OGDH: variants seen among roughly 807,000 people sequenced by gnomAD.
OGDH encodes the protein 2-oxoglutarate dehydrogenase complex component E1.
In OGDH, 38 loss-of-function variants were observed where a neutral mutation model predicts 116.6. The observed-to-expected ratio is 0.33, with a 90% confidence interval of 0.25 to 0.43. The LOEUF (loss-of-function observed/expected upper bound fraction) is 0.43. Ranked by LOEUF, OGDH falls within the 20% of genes least tolerant of loss-of-function variation. The probability of loss-of-function intolerance (pLI) is 1.00; values close to 1 mark genes in which losing one functional copy is unlikely to be tolerated. For missense variants in OGDH, 825 were observed against 1,357.2 expected (o/e 0.61, Z 6.16); for synonymous variants, 488 against 533.3 (o/e 0.92, Z 1.17).
At chr7:44,653,344 C>G (rs919165394) in intron 4 of OGDH, among the ~76,000 whole-genome samples, 1 of 152,070 alleles carries the variant, frequency 6.6e-6, no homozygotes, top group Non-Finnish European at 1.5e-5. Flanking sequence ...TCGCCCGTCT[C>G]GGACTCCCAA....
intron 2 of OGDH, among the ~76,000 whole-genome samples, chr7:44,630,970 C>T (rs752733444): frequency 3.3e-5 from 5 of 152,166 alleles, no homozygotes; most frequent in African/African-American, 4.8e-5. Context: ...CTAATGCCCC[C>T]GCTGATGTGA....
chr7:44,673,208 A>G (rs1189073933), intron 5 of OGDH, among the ~76,000 whole-genome samples: 1 of 152,144 alleles, frequency 6.6e-6, no homozygotes, highest in Non-Finnish European at 1.5e-5. Flanking sequence ...TCTCCAAAAA[A>G]TTCAAAACAT....
chr7:44,624,284 CTTTCT>C (rs1785112990), intron 1 of OGDH, 28 bp from the exon 2 acceptor site: 1 of 1,321,588 alleles, frequency 7.6e-7, no homozygotes, highest in African/African-American at 1.7e-5. Flanking sequence ...TAAAACCTTT[CTTTCT>C]TGTTTTTTTT....
In OGDH at chr7:44,697,426, T is replaced by A. The variant is rs1300147360; in HGVS notation, c.2108T>A (p.Met703Lys). Residue 703 changes from methionine (M) to lysine (K), a missense_variant, in exon 16 of 23, where the codon ATG becomes AAG. This residue lies in a region of OGDH where 73 missense variants were observed against 182.3 expected (regional missense o/e 0.40). Transcript: ENST00000222673. This position sits in a 1 kb window ranked among gnomAD's most constrained non-coding sequence, Gnocchi z 6.0. Reference sequence around the variant, plus strand: ...GTGGACAAGAGAACCTGCATCCCCATGAACCATCTCTGGCCCAATCAGGCC... The same window carrying A: ...GTGGACAAGAGAACCTGCATCCCCAAGAACCATCTCTGGCCCAATCAGGCC... ...QNVDKRTCIPMNHLWPNQAPY... is the reference protein window; with the variant it reads ...QNVDKRTCIPKNHLWPNQAPY... 1 of 1,614,210 alleles carries A rather than the reference T, an allele frequency of 6.2e-7. No individual in the cohort carries two copies. The highest frequency in any genetic ancestry group is 8.5e-7 in the Non-Finnish European group (1 of 1,180,026).
chr7:44,636,245 G>A (rs1785665050), intron 2 of OGDH, among the ~76,000 whole-genome samples: 1 of 152,208 alleles, frequency 6.6e-6, no homozygotes, highest in East Asian at 1.9e-4. Context: ...ATGGGTGTCA[G>A]CTACTGCTGG....
At chr7:44,704,499 A>G (rs1788976895) in intron 20 of OGDH, among the ~76,000 whole-genome samples, 1 of 152,046 alleles carries the variant, frequency 6.6e-6, no homozygotes, top group South Asian at 2.1e-4. Context: ...GATTACAGGC[A>G]TGAGCCACGG....
At chr7:44,669,260 C>A (rs946399610) in intron 5 of OGDH, among the ~76,000 whole-genome samples, 5 of 151,076 alleles carry the variant, frequency 3.3e-5, no homozygotes, top group Non-Finnish European at 7.4e-5. Context: ...TAACCAATCC[C>A]CCTACTTCAG....
chr7:44,624,526 G>C lies in OGDH; in HGVS notation c.183G>C (p.Met61Ile). The change falls in exon 2 of 23, where the codon ATG (methionine) becomes ATC (isoleucine). Residue 61 changes from methionine to isoleucine, a missense_variant. Transcript: ENST00000222673. ...CTAGTTCGAACTATGTGGAGGAGAT[G>C]TACTGTGCTTGGCTGGAAAACCCCA... is the stretch of plus-strand genomic sequence containing the variant. ...SGTSSNYVEE[M>I]YCAWLENPKS... is the part of the protein sequence containing the mutation. 2 of 1,613,904 alleles carry C rather than the reference G, an allele frequency of 1.2e-6. No homozygotes were observed.
intron 4 of OGDH, among the ~76,000 whole-genome samples, chr7:44,664,755 G>A (rs986524071): frequency 5.9e-5 from 9 of 152,128 alleles, no homozygotes; most frequent in African/African-American, 1.2e-4. Flanking sequence ...TGTGTACTCC[G>A]CTTTCACAAA....
chr7:44,608,340 C>G (rs1784435556), intron 1 of OGDH, among the ~76,000 whole-genome samples: 1 of 151,650 alleles, frequency 6.6e-6, no homozygotes, highest in Non-Finnish European at 1.5e-5. Context: ...CCAGGGAGGT[C>G]CAAGCTGCAG....
Position 44,671,025 on chromosome 7 carries a change from AAAAG to A in OGDH, c.634-2758_634-2755del, listed in dbSNP as rs1306589793. ...GACTCCATCTCAAAAAAAAAAAAAA[AAAAG>A]AAAAGAAAAAAAAGAAAATATGGTT... On this transcript the variant is annotated intron_variant, in intron 5 of 22. Coordinates refer to ENST00000222673, the MANE Select transcript of OGDH (RefSeq NM_002541.4). Among the ~76,000 whole-genome samples the A allele has an allele frequency of 4.9e-3, 748 of 151,228 alleles. 4 individuals are homozygous for A. Among genetic ancestry groups the A allele is most frequent in the Non-Finnish European group, 8.4e-3 (565 of 67,446 alleles).
rs1788481737 is a variant in OGDH, at chr7:44,694,137, A to T, written c.1515+133A>T. ...TCAGGGCTCTCTACTGCCAGGCCTC[A>T]TGCTGGTTCCTTTGAGCTCCAAATA... On this transcript the variant is annotated intron_variant, in intron 11 of 22. Transcript: ENST00000222673. The surrounding 1 kb of genome is among the most constrained non-coding windows in gnomAD (Gnocchi z 4.2). The T allele has an allele frequency of 2.9e-6, 3 of 1,028,174 alleles. No homozygotes were observed. The highest frequency in any genetic ancestry group is 4.2e-6 in the Non-Finnish European group (3 of 719,344). The allele number at this position is 1,028,174 out of a possible 1,614,324, so 63.7% of individuals were successfully genotyped here. A position where few individuals can be genotyped will look rare whatever the true frequency, so the allele number is the denominator to read the frequency against.
At chr7:44,671,780 A>T (rs993532177) in intron 5 of OGDH, among the ~76,000 whole-genome samples, 28 of 135,470 alleles carry the variant, frequency 2.1e-4, no homozygotes, top group African/African-American at 7.8e-4. Flanking sequence ...AAAAAAAAAA[A>T]AAAAAAATGC....
At chr7:44,678,090 C>T (rs945282284) in intron 9 of OGDH, among the ~76,000 whole-genome samples, 1 of 151,980 alleles carries the variant, frequency 6.6e-6, no homozygotes, top group Non-Finnish European at 1.5e-5. Flanking sequence ...AGAGGTCATT[C>T]CATGGCTTCA....
intron 1 of OGDH, among the ~76,000 whole-genome samples, chr7:44,610,909 C>T (rs1403600962): frequency 6.6e-6 from 1 of 152,204 alleles, no homozygotes; most frequent in South Asian, 2.1e-4. Flanking sequence ...CGCTCAGCCC[C>T]TTTTCATCTT....
chr7:44,636,103 G>A (rs1785657617), intron 2 of OGDH, among the ~76,000 whole-genome samples: 1 of 152,226 alleles, frequency 6.6e-6, no homozygotes, highest in Non-Finnish European at 1.5e-5. Context: ...GAGAGCTGAA[G>A]CAACTTCCCG....
At chr7:44,610,801 C>G (rs1293779591) in intron 1 of OGDH, among the ~76,000 whole-genome samples, 1 of 150,982 alleles carries the variant, frequency 6.6e-6, no homozygotes, top group Non-Finnish European at 1.5e-5. Flanking sequence ...TAGAGACGGG[C>G]TTTTACTGTG....
intron 1 of OGDH, among the ~76,000 whole-genome samples, chr7:44,621,747 C>T (rs550187596): frequency 2.0e-5 from 3 of 152,172 alleles, no homozygotes; most frequent in African/African-American, 7.2e-5. Context: ...TGGCATGCAC[C>T]TGTAGTCCTA....
At chr7:44,659,063 C>A (rs547614250) in intron 4 of OGDH, among the ~76,000 whole-genome samples, 62 of 152,246 alleles carry the variant, frequency 4.1e-4, no homozygotes, top group African/African-American at 1.5e-3. Flanking sequence ...GTCTAGAACT[C>A]CCGACCTCAG....
Sources: gnomAD v4.1 joint callset for allele counts (sites outside exome capture counted in the v4.1 genomes callset) on GRCh38, gnomAD v4.1.1 for gene constraint, gnomAD v4.1.1 regional missense constraint, Gnocchi (gnomAD v3.1) non-coding constraint, MANE v1.5 for transcripts, NCBI Gene and HGNC (gene_info 2026-07-23, HGNC 2026-07-21) for gene names.